The following RNPC3 variants were observed in gnomAD, a reference collection of about 807,000 sequenced individuals.
RNPC3 encodes the protein RNA binding region (RNP1, RRM) containing 3.
RNPC3 carries 48 observed loss-of-function variants against 67.5 expected under a neutral mutation model. That is an observed-to-expected ratio of 0.71 (90% CI 0.56 to 0.90). RNPC3 has a LOEUF of 0.90. Among genes scored for constraint, RNPC3 ranks in the 40% least tolerant of loss-of-function variants. RNPC3 has a pLI of 0.00. For synonymous variants in RNPC3, 239 were observed against 210.3 expected, an observed-to-expected ratio of 1.14 and a Z score of -1.18; for missense variants, 637 against 626.1, an observed-to-expected ratio of 1.02 and a Z score of -0.19.
Position 103,536,126 on chromosome 1 carries a change from G to A in RNPC3, c.556G>A (p.Val186Ile). 6.5e-7 allele frequency: 1 copy of A among 1,531,740 alleles called. No homozygotes were observed. Among genetic ancestry groups the A allele is most frequent in the African/African-American group, 1.4e-5 (1 of 72,998 alleles). The allele number at this position is 1,531,740 out of a possible 1,614,324, so 94.9% of individuals were successfully genotyped here. ...AATTTAAATGTCTTACCACTTTAAG[G>A]TCCTTCATCTTATGAATAAAATGAA... ...LASVPKFYVQVLHLMNKMNLP... is the reference protein window; with the variant it reads ...LASVPKFYVQILHLMNKMNLP... Residue 186 changes from valine (V) to isoleucine (I), a missense_variant and splice_region_variant, in exon 6 of 15, where the codon GTC (valine) becomes ATC (isoleucine). Val to Ile is a conservative substitution (Grantham distance 29). Transcript: ENST00000423855.
chr1:103,528,042 A>G (rs1650759626), intron 2 of RNPC3, among the ~76,000 whole-genome samples: 1 of 152,232 alleles, frequency 6.6e-6, no homozygotes, highest in Non-Finnish European at 1.5e-5. Context: ...GAGAATATAC[A>G]TTTCTTTATA....
intron 2 of RNPC3, among the ~76,000 whole-genome samples, chr1:103,528,800 A>G (rs1650774576): frequency 6.6e-6 from 1 of 152,246 alleles, no homozygotes; most frequent in Non-Finnish European, 1.5e-5. Flanking sequence ...AGGAGCAGTT[A>G]AAGTAGGAGA....
chr1:103,529,048 T>C (rs1199745577), intron 2 of RNPC3, among the ~76,000 whole-genome samples: 1 of 152,198 alleles, frequency 6.6e-6, no homozygotes, highest in Non-Finnish European at 1.5e-5. Flanking sequence ...TATGGAATGA[T>C]AGCCCAGATA....
chr1:103,546,201 C>A, intron 10 of RNPC3, 47 bp from the exon 11 acceptor site: 1 of 913,056 alleles, frequency 1.1e-6, no homozygotes, highest in Non-Finnish European at 1.5e-6. Flanking sequence ...TAAAAACTTG[C>A]TTAAAATATT....
chr1:103,540,664 A>AT (rs1291083883), intron 7 of RNPC3, among the ~76,000 whole-genome samples: 1 of 152,110 alleles, frequency 6.6e-6, no homozygotes, highest in Non-Finnish European at 1.5e-5. Flanking sequence ...TTGTGTGTGT[A>AT]TTTTACAAAT....
rs943636615 is a variant in RNPC3 at position 103,546,284 on chromosome 1, C to G, written c.1244C>G (p.Pro415Arg). ...ETLSVFRSYE[P>R]GEPNCRIYVK... ...CTTTCAGTTTTCAGAAGTTATGAACCGGGTGAACCAAACTGTAGAATTTAT... is the reference window on the plus strand; with the variant it reads ...CTTTCAGTTTTCAGAAGTTATGAACGGGGTGAACCAAACTGTAGAATTTAT... Residue 415 changes from proline to arginine, a missense_variant, in exon 11 of 15, where the codon CCG (proline) becomes CGG (arginine). Physicochemically the swap from Pro to Arg is moderately radical, Grantham distance 103 (BLOSUM62 -2). Transcript: ENST00000423855. 1.4e-6 allele frequency: 2 copies of G among 1,461,764 alleles called. No individual in the cohort carries two copies. The highest frequency in any genetic ancestry group is 2.6e-5 in the Admixed American group (1 of 38,332). 90.5% of individuals were successfully genotyped at this position (1,461,764 alleles called of 1,614,324 possible). A position where few individuals can be genotyped will look rare whatever the true frequency, so the allele number is the denominator to read the frequency against.
In RNPC3 at chr1:103,526,017, C is replaced by T; in HGVS notation, c.-54C>T. The T allele has an allele frequency of 7.2e-7, 1 of 1,388,496 alleles. No individual in the cohort carries two copies. The highest frequency in any genetic ancestry group is 9.7e-7 in the Non-Finnish European group (1 of 1,029,870). 86.0% of individuals were successfully genotyped at this position (1,388,496 alleles called of 1,614,324 possible). The stretch of plus-strand genomic sequence containing the variant: ...TTTCTCCCAGCTTGTGTTGATGCCG[C>T]GATTTTGACTGAGACTTCTTCCCAC... On this transcript the variant is annotated 5_prime_UTR_variant, in exon 1 of 15. An upstream open reading frame in the 5' UTR gains an earlier in-frame stop. Transcript: ENST00000423855.
At position 103,534,876 on chromosome 1, in the gene RNPC3, T is replaced by C. The variant is rs1329664410; in HGVS notation, c.443+19T>C. ...ACCATGGGTTAGCATTTTTGTTTGC[T>C]TTTCTTTTGCTTTTGTTCTGTGTTA... On this transcript the variant is annotated intron_variant, in intron 4 of 14. Coordinates refer to ENST00000423855, the MANE Select transcript of RNPC3 (RefSeq NM_017619.4). 1.4e-6 allele frequency: 2 copies of C among 1,464,808 alleles called. No individual in the cohort carries two copies. The highest frequency in any genetic ancestry group is 1.4e-5 in the African/African-American group (1 of 70,782). 90.7% of individuals were successfully genotyped at this position (1,464,808 alleles called of 1,614,324 possible). A position where few individuals can be genotyped will look rare whatever the true frequency, so the allele number is the denominator to read the frequency against.
chr1:103,528,342 T>C (rs1650765329), intron 2 of RNPC3, among the ~76,000 whole-genome samples: 1 of 152,176 alleles, frequency 6.6e-6, no homozygotes, highest in Admixed American at 6.5e-5. Flanking sequence ...TAAAGATATC[T>C]GGTATAGTTC....
chr1:103,537,312 A>G (rs547635374), intron 6 of RNPC3, 30 bp from the exon 7 acceptor site: 317 of 1,476,002 alleles, frequency 2.1e-4, no homozygotes, highest in Non-Finnish European at 2.8e-4. Context: ...TTGGACTGCC[A>G]TAGTATTTTT....
intron 2 of RNPC3, among the ~76,000 whole-genome samples, chr1:103,528,105 T>C (rs1300380405): frequency 6.6e-6 from 1 of 152,220 alleles, no homozygotes; most frequent in African/African-American, 2.4e-5. Flanking sequence ...GTCTAATGAT[T>C]AATTGGATTT....
At chr1:103,540,547 G>A (rs1159641310) in intron 7 of RNPC3, among the ~76,000 whole-genome samples, 1 of 152,028 alleles carries the variant, frequency 6.6e-6, no homozygotes, top group African/African-American at 2.4e-5. Flanking sequence ...GTAAACCATG[G>A]TTTTTTAAAA....
At chr1:103,532,452 A>G (rs1338545889) in intron 2 of RNPC3, among the ~76,000 whole-genome samples, 1 of 152,130 alleles carries the variant, frequency 6.6e-6, no homozygotes, top group African/African-American at 2.4e-5. Context: ...ATGGGGCGCT[A>G]TCCATTATTT....
chr1:103,528,424 C>T (rs1650767024), intron 2 of RNPC3, among the ~76,000 whole-genome samples: 1 of 151,884 alleles, frequency 6.6e-6, no homozygotes, highest in African/African-American at 2.4e-5. Flanking sequence ...ATGGCCAAGG[C>T]AAGAATAACT....
chr1:103,535,600 T>C (rs1212445543), intron 5 of RNPC3, among the ~76,000 whole-genome samples, 159 bp downstream of exon 5: 1 of 152,070 alleles, frequency 6.6e-6, no homozygotes, highest in Non-Finnish European at 1.5e-5. Flanking sequence ...GTAGAGACTT[T>C]TATAAGGTAT....
intron 7 of RNPC3, among the ~76,000 whole-genome samples, chr1:103,538,379 A>G (rs1207172791): frequency 6.6e-6 from 1 of 152,098 alleles, no homozygotes; most frequent in Non-Finnish European, 1.5e-5. Flanking sequence ...GCCCTTGAGC[A>G]TGGTGTTGAA....
In RNPC3 at chr1:103,534,761, C is replaced by G. The variant is rs1451421451; in HGVS notation, c.360-13C>G. ...TGGAAAGATAAGATTAACTTTGATT[C>G]TGTATGTCCCAGGTCTGATGACCCT... On this transcript the variant is annotated splice_polypyrimidine_tract_variant and intron_variant, in intron 3 of 14. Coordinates refer to ENST00000423855, the MANE Select transcript of RNPC3 (RefSeq NM_017619.4). The G allele has an allele frequency of 3.4e-6, 5 of 1,457,556 alleles. No individual in the cohort carries two copies. Among genetic ancestry groups the G allele is most frequent in the Non-Finnish European group, 4.6e-6 (5 of 1,090,380 alleles). The allele number at this position is 1,457,556 out of a possible 1,614,324, so 90.3% of individuals were successfully genotyped here.
intron 6 of RNPC3, among the ~76,000 whole-genome samples, chr1:103,536,956 T>C (rs1028914203): frequency 1.3e-5 from 2 of 152,196 alleles, no homozygotes; most frequent in Non-Finnish European, 2.9e-5. Flanking sequence ...TTTGTTCTAC[T>C]GAGCCACGAA....
At chr1:103,543,861 A>T (rs1651181866) in intron 9 of RNPC3, among the ~76,000 whole-genome samples, 1 of 151,782 alleles carries the variant, frequency 6.6e-6, no homozygotes, top group Non-Finnish European at 1.5e-5. Flanking sequence ...AAATACATAT[A>T]TATATTTTTT....
Sources: allele counts gnomAD v4.1 joint callset (sites outside exome capture counted in the v4.1 genomes callset), GRCh38; gene constraint gnomAD v4.1.1; transcripts MANE v1.5; gene names NCBI Gene and HGNC (gene_info 2026-07-23, HGNC 2026-07-21).